NPC2: variants seen among roughly 807,000 people sequenced by gnomAD.
NPC2 encodes the protein NPC intracellular cholesterol transporter 2, also known as Niemann-Pick disease type C2 protein.
A neutral mutation model predicts 17.0 loss-of-function variants in NPC2; 14 were observed. The ratio of observed to expected loss-of-function variants is 0.82; its 90% CI spans 0.54 to 1.29. The LOEUF is 1.29. NPC2 is among the 50% of genes most tolerant of loss of function. NPC2 has a pLI of 0.00. For missense variants in NPC2, 167 were observed against 183.4 expected, an observed-to-expected ratio of 0.91 and a Z score of 0.52; for synonymous variants, 75 against 69.3, an observed-to-expected ratio of 1.08 and a Z score of -0.41.
At chr14:74,488,443 T>C (rs975651723) in intron 1 of NPC2, among the ~76,000 whole-genome samples, 2 of 152,118 alleles carry the variant, frequency 1.3e-5, no homozygotes, top group Admixed American at 6.6e-5. Flanking sequence ...AGGGTGGGCA[T>C]GGTGGCTCAT....
Position 74,480,101 on chromosome 14 carries a change from C to T in NPC2, c.*173G>A, listed in dbSNP as rs762824186. ...AGACAGAAAAAGAGACATGAGACAA[C>T]CACTGAGAACCAGCCACCCGGAGCT... On this transcript the variant is annotated 3_prime_UTR_variant, in exon 5 of 5. Coordinates refer to ENST00000555619, the MANE Select transcript of NPC2 (RefSeq NM_006432.5). The T allele has an allele frequency of 2.6e-6, 4 of 1,546,330 alleles. No individual in the cohort carries two copies. The highest frequency in any genetic ancestry group is 1.7e-4 in the Middle Eastern group (1 of 5,996).
At chr14:74,487,898 G>C (rs1006923319) in intron 1 of NPC2, among the ~76,000 whole-genome samples, 2 of 152,220 alleles carry the variant, frequency 1.3e-5, no homozygotes, top group African/African-American at 4.8e-5. Context: ...CCTTGTTTTA[G>C]GGGTTAGAAA....
At chr14:74,493,477 C>G, upstream of NPC2, 1 of 1,237,020 alleles carries the variant, frequency 8.1e-7, no homozygotes, top group Non-Finnish European at 1.1e-6. The surrounding 1 kb of genome is among the most constrained non-coding windows in gnomAD (Gnocchi z 4.1). Context: ...AGTCTCCGCC[C>G]ATGCCATCCC....
chr14:74,486,469 T>C (rs1555346002), intron 1 of NPC2, 33 bp from the exon 2 acceptor site: 7 of 1,540,112 alleles, frequency 4.5e-6, no homozygotes, highest in Non-Finnish European at 6.2e-6. Flanking sequence ...AATAGGAGAA[T>C]AGGAGGAGAA....
chr14:74,480,970 T>C (rs2086650422), intron 3 of NPC2, among the ~76,000 whole-genome samples, 191 bp from the exon 4 acceptor site: 1 of 152,256 alleles, frequency 6.6e-6, no homozygotes, highest in Non-Finnish European at 1.5e-5. Flanking sequence ...AAAGTTATAC[T>C]TGTGATTTGA....
chr14:74,480,834 C>T, intron 3 of NPC2, 55 bp from the exon 4 acceptor site: 2 of 1,427,754 alleles, frequency 1.4e-6, no homozygotes, highest in East Asian at 2.3e-5. Context: ...GACTTCTATC[C>T]ATAATTGGTT....
chr14:74,488,338 C>A (rs1435666318), intron 1 of NPC2, among the ~76,000 whole-genome samples: 1 of 152,216 alleles, frequency 6.6e-6, no homozygotes, highest in Non-Finnish European at 1.5e-5. Context: ...CCCAACTTGA[C>A]TTCCTAGAGA....
At chr14:74,483,292 G>A in intron 3 of NPC2, 2 of 1,181,146 alleles carry the variant, frequency 1.7e-6, no homozygotes, top group Admixed American at 1.8e-5. Context: ...CAATGATTTT[G>A]GTTGGCAATA....
chr14:74,488,468 C>A (rs1045551292), intron 1 of NPC2, among the ~76,000 whole-genome samples: 6 of 152,208 alleles, frequency 3.9e-5, no homozygotes, highest in Admixed American at 1.3e-4. Context: ...ATAATCCCAG[C>A]ACTTTGGGAG....
intron 1 of NPC2, among the ~76,000 whole-genome samples, chr14:74,489,947 C>T (rs141109080): frequency 1.3e-5 from 2 of 152,208 alleles, no homozygotes; most frequent in Non-Finnish European, 2.9e-5. Context: ...CATATATTTA[C>T]TATTATTATC....
At chr14:74,480,492 T>G (rs1490074980) in intron 4 of NPC2, 26 of 767,682 alleles carry the variant, frequency 3.4e-5, no homozygotes, top group Non-Finnish European at 5.6e-5. Context: ...CTTCTTTCCT[T>G]CAACCTTTTT....
At chr14:74,491,975 C>T (rs2086778374) in intron 1 of NPC2, among the ~76,000 whole-genome samples, 1 of 152,194 alleles carries the variant, frequency 6.6e-6, no homozygotes, top group African/African-American at 2.4e-5. Flanking sequence ...CCCCAAATTG[C>T]TCCTGGTAAT....
chr14:74,493,418 C>T, upstream of NPC2: 3 of 1,535,650 alleles, frequency 2.0e-6, no homozygotes, highest in Non-Finnish European at 2.6e-6. This position sits in a 1 kb window ranked among gnomAD's most constrained non-coding sequence, Gnocchi z 4.1. Flanking sequence ...CGCGCCCCGC[C>T]CCCGGCTCCG....
At chr14:74,488,622 G>A (rs559487100) in intron 1 of NPC2, among the ~76,000 whole-genome samples, 8 of 152,308 alleles carry the variant, frequency 5.3e-5, no homozygotes, top group South Asian at 2.1e-4. Context: ...GCTGAGGCAG[G>A]AGAATCGCTT....
chr14:74,492,284 A>G (rs10139029), intron 1 of NPC2, among the ~76,000 whole-genome samples: 34,132 of 151,990 alleles, frequency 0.22, 4,245 homozygotes, highest in African/African-American at 0.32. Context: ...TGCAAATCCC[A>G]TCTTGATAAA....
At chr14:74,484,639 C>T (rs2086690328) in intron 2 of NPC2, 52 bp from the exon 3 acceptor site, 2 of 1,580,446 alleles carry the variant, frequency 1.3e-6, no homozygotes, top group Middle Eastern at 1.7e-4. Flanking sequence ...TATTTTCAAA[C>T]TCTAAATCAA....
intron 3 of NPC2, 143 bp downstream of exon 3, chr14:74,484,272 G>A (rs1566602238): frequency 1.2e-5 from 10 of 857,602 alleles, no homozygotes; most frequent in South Asian, 8.2e-5. Context: ...GCCTAACACC[G>A]CACCTATCTC....
chr14:74,482,219 C>T (rs1302097039), intron 3 of NPC2, among the ~76,000 whole-genome samples: 2 of 152,216 alleles, frequency 1.3e-5, no homozygotes, highest in Non-Finnish European at 2.9e-5. Flanking sequence ...TAAGCACAGA[C>T]ATCCTATATT....
At chr14:74,482,093 T>C (rs2086661619) in intron 3 of NPC2, among the ~76,000 whole-genome samples, 1 of 152,222 alleles carries the variant, frequency 6.6e-6, no homozygotes, top group Non-Finnish European at 1.5e-5. Flanking sequence ...AAGTACCTAC[T>C]ACGTATCAGG....
Sources: allele counts gnomAD v4.1 joint callset (sites outside exome capture counted in the v4.1 genomes callset), GRCh38; gene constraint gnomAD v4.1.1; non-coding constraint Gnocchi (gnomAD v3.1); transcripts MANE v1.5; gene names NCBI Gene and HGNC (gene_info 2026-07-23, HGNC 2026-07-21).